EXOC4: variants seen among roughly 807,000 people sequenced by gnomAD.
The protein encoded by EXOC4 is exocyst complex component 4.
EXOC4 carries 71 observed loss-of-function variants against 107.2 expected under a neutral mutation model. The ratio of observed to expected loss-of-function variants is 0.66; its 90% CI spans 0.55 to 0.81. The LOEUF (loss-of-function observed/expected upper bound fraction) is 0.81, where lower values mean the gene tolerates loss of function less well. Ranked by LOEUF, EXOC4 falls within the 30% of genes least tolerant of loss-of-function variation. EXOC4 has a pLI of 0.00. For synonymous variants in EXOC4, 456 were observed against 441.2 expected (o/e 1.03, Z -0.42); for missense variants, 1,108 against 1,189.6 (o/e 0.93, Z 1.01).
At chr7:133,695,444 G>T (rs1357920014) in intron 10 of EXOC4, among the ~76,000 whole-genome samples, 1 of 151,948 alleles carries the variant, frequency 6.6e-6, no homozygotes, top group Non-Finnish European at 1.5e-5. Flanking sequence ...GAACATATAG[G>T]TATCTTTGAT....
At chr7:134,010,927 C>T (rs149551874) in intron 17 of EXOC4, among the ~76,000 whole-genome samples, 3,417 of 152,246 alleles carry the variant, frequency 0.022, 134 homozygotes, top group African/African-American at 0.077. Context: ...TGCACACCTT[C>T]CCTCTAACTA....
chr7:133,974,892 A>G (rs986679297), intron 14 of EXOC4, among the ~76,000 whole-genome samples: 5 of 152,216 alleles, frequency 3.3e-5, no homozygotes, highest in African/African-American at 7.2e-5. Context: ...TGAGAATTGA[A>G]TCTATTGATT....
At chr7:133,345,081 T>G (rs1795753780) in intron 5 of EXOC4, among the ~76,000 whole-genome samples, 1 of 152,172 alleles carries the variant, frequency 6.6e-6, no homozygotes, top group South Asian at 2.1e-4. Context: ...AGCAACCACC[T>G]TTGTCAGCCT....
intron 9 of EXOC4, among the ~76,000 whole-genome samples, chr7:133,500,578 T>C (rs1010951641): frequency 6.6e-6 from 1 of 152,196 alleles, no homozygotes; most frequent in African/African-American, 2.4e-5. Context: ...TTTTACTTAT[T>C]GTGAATAATG....
intron 5 of EXOC4, among the ~76,000 whole-genome samples, chr7:133,335,474 G>A (rs1795491594): frequency 6.6e-6 from 1 of 152,114 alleles, no homozygotes. Flanking sequence ...TTTGTGACTA[G>A]TTATTTCACT....
intron 7 of EXOC4, among the ~76,000 whole-genome samples, chr7:133,410,199 A>G (rs1181900735): frequency 1.3e-5 from 2 of 152,184 alleles, no homozygotes; most frequent in Non-Finnish European, 2.9e-5. Flanking sequence ...AGGAATCATA[A>G]TAATGTCTTG....
intron 10 of EXOC4, among the ~76,000 whole-genome samples, chr7:133,801,911 G>A (rs1796953268): frequency 6.6e-6 from 1 of 152,144 alleles, no homozygotes; most frequent in Admixed American, 6.6e-5. Flanking sequence ...TTCCAACAAG[G>A]TTGGACTTTG....
At position 133,342,098 on chromosome 7, in the gene EXOC4, GT is replaced by G. The variant is rs890067196; in HGVS notation, c.764-14221del. On this transcript the variant is annotated intron_variant, in intron 5 of 17. Coordinates refer to ENST00000253861, the MANE Select transcript of EXOC4 (RefSeq NM_021807.4). ...TGCTATTTGTTGCCTGAATACCTTG[GT>G]TTTTTTTTTTCATTGTGTTATTGTT... is the stretch of plus-strand genomic sequence containing the variant. Among the ~76,000 whole-genome samples the G allele has an allele frequency of 4.1e-4, 59 of 145,236 alleles. 1 individual carries two copies. The East Asian group carries it at 6.2e-3, about 15-fold the overall frequency.
At chr7:133,817,597 G>T in intron 11 of EXOC4, 53 bp downstream of exon 11, 1 of 1,308,188 alleles carries the variant, frequency 7.6e-7, no homozygotes, top group Non-Finnish European at 1.1e-6. Context: ...CATTGACTTG[G>T]CAAGTGTCAT....
At chr7:133,653,133 A>G (rs977117176) in intron 10 of EXOC4, among the ~76,000 whole-genome samples, 6 of 152,218 alleles carry the variant, frequency 3.9e-5, no homozygotes, top group South Asian at 2.1e-4. Context: ...GAACAGTTGT[A>G]TGTAATGTTT....
chr7:133,598,672 G>C (rs1383416489), intron 9 of EXOC4, among the ~76,000 whole-genome samples: 1 of 152,082 alleles, frequency 6.6e-6, no homozygotes, highest in Non-Finnish European at 1.5e-5. Flanking sequence ...ATCTGAATTG[G>C]GTTGTACTCT....
intron 7 of EXOC4, among the ~76,000 whole-genome samples, chr7:133,471,542 A>G (rs1798878965): frequency 6.6e-6 from 1 of 152,216 alleles, no homozygotes; most frequent in African/African-American, 2.4e-5. Flanking sequence ...GCAAACAAAC[A>G]CAAATTGCAA....
At chr7:133,500,470 AGTT>A (rs1799556333) in intron 9 of EXOC4, among the ~76,000 whole-genome samples, 1 of 152,192 alleles carries the variant, frequency 6.6e-6, no homozygotes, top group Non-Finnish European at 1.5e-5. Context: ...ATTCTTCAGT[AGTT>A]GTTCCTTTCA....
At chr7:133,558,998 A>G (rs186659743) in intron 9 of EXOC4, among the ~76,000 whole-genome samples, 1 of 152,350 alleles carries the variant, frequency 6.6e-6, no homozygotes, top group Non-Finnish European at 1.5e-5. Flanking sequence ...GGGGCTATGT[A>G]AAATGCTTCT....
intron 5 of EXOC4, among the ~76,000 whole-genome samples, chr7:133,331,533 C>T (rs948993684): frequency 1.9e-4 from 26 of 140,360 alleles, no homozygotes; most frequent in African/African-American, 6.3e-4. Flanking sequence ...GGCGCAATCT[C>T]GGCTCACTGC....
chr7:133,696,205 C>T (rs1357570584), intron 10 of EXOC4, among the ~76,000 whole-genome samples: 12 of 152,194 alleles, frequency 7.9e-5, no homozygotes, highest in Admixed American at 7.9e-4. Context: ...TAAAGTGTCA[C>T]AGGACCTCCC....
rs78137211 is a variant in EXOC4 at position 133,950,196 on chromosome 7, A to G, written c.2206+12127A>G. ...CCTCCAAAAGGTGGTGATAAATGGT[A>G]TAAGTAGATCTTTCAGTAAATATAG... On this transcript the variant is annotated intron_variant, in intron 14 of 17. Transcript: ENST00000253861. 5.8e-3 allele frequency among the ~76,000 whole-genome samples: 882 copies of G among 152,312 alleles called. 5 individuals are homozygous for G. The highest frequency in any genetic ancestry group is 0.02 in the Middle Eastern group (6 of 294).
chr7:133,413,399 T>C (rs920890154), intron 7 of EXOC4, among the ~76,000 whole-genome samples: 2 of 152,180 alleles, frequency 1.3e-5, no homozygotes, highest in African/African-American at 4.8e-5. Context: ...ATGTAGATAG[T>C]AAGACTGCTC....
intron 17 of EXOC4, among the ~76,000 whole-genome samples, chr7:134,052,800 A>C (rs1250788961): frequency 1.3e-5 from 2 of 152,248 alleles, no homozygotes; most frequent in African/African-American, 2.4e-5. Flanking sequence ...AATCTGCCAG[A>C]GAATGAAAAG....
Sources: gnomAD v4.1 joint callset for allele counts (sites outside exome capture counted in the v4.1 genomes callset) on GRCh38, gnomAD v4.1.1 for gene constraint, MANE v1.5 for transcripts, NCBI Gene and HGNC (gene_info 2026-07-23, HGNC 2026-07-21) for gene names.